EPB41L4A: variants seen among roughly 807,000 people sequenced by gnomAD.
EPB41L4A encodes erythrocyte membrane protein band 4.1 like 4A.
Under a neutral mutation model 108.6 loss-of-function variants are expected in EPB41L4A, and 100 were observed. The observed-to-expected ratio is 0.92, with a 90% CI of 0.78 to 1.09. The LOEUF (loss-of-function observed/expected upper bound fraction) is 1.09, where lower values mean the gene tolerates loss of function less well. Among genes scored for constraint, EPB41L4A ranks in the 50% least tolerant of loss-of-function variants. EPB41L4A has a pLI of 0.00. For synonymous variants in EPB41L4A, 319 were observed against 289.0 expected (o/e 1.10, Z -1.05); for missense variants, 1,030 against 842.7 (o/e 1.22, Z -2.75).
intron 7 of EPB41L4A, among the ~76,000 whole-genome samples, chr5:112,261,611 A>G (rs1391949499): frequency 7.0e-6 from 1 of 142,158 alleles, no homozygotes; most frequent in Non-Finnish European, 1.6e-5. Context: ...GATCCAGAAC[A>G]CTCAGTGCAG....
intron 17 of EPB41L4A, among the ~76,000 whole-genome samples, chr5:112,189,817 A>G (rs1352955092): frequency 6.6e-6 from 1 of 152,194 alleles, no homozygotes; most frequent in Admixed American, 6.5e-5. Context: ...TGCTCAAAGG[A>G]CTGCTGATTT....
intron 2 of EPB41L4A, among the ~76,000 whole-genome samples, chr5:112,300,700 G>T (rs1435018355): frequency 6.6e-6 from 1 of 152,076 alleles, no homozygotes; most frequent in Non-Finnish European, 1.5e-5. Context: ...CTTTAGCAAG[G>T]CTGGGGAAGC....
At chr5:112,143,346 T>C (rs1373194448) in exon 14 of EPB41L4A, 1 of 152,308 alleles carries the variant, frequency 6.6e-6, no homozygotes, top group Non-Finnish European at 1.5e-5. Context: ...GTGCCTAACA[T>C]ATAGTAGATT....
At chr5:112,173,226 A>G (rs1760682531) in intron 18 of EPB41L4A, among the ~76,000 whole-genome samples, 1 of 152,210 alleles carries the variant, frequency 6.6e-6, no homozygotes, top group South Asian at 2.1e-4. Flanking sequence ...CCGAGGGTGC[A>G]GTTGATGACA....
chr5:112,145,304 A>T (rs1759209281), intron 13 of EPB41L4A, among the ~76,000 whole-genome samples: 2 of 152,178 alleles, frequency 1.3e-5, no homozygotes, highest in African/African-American at 4.8e-5. Context: ...GGTTCATCTT[A>T]ATTTGATAAC....
In EPB41L4A at chr5:112,169,059, T is replaced by C. The variant is rs748384550; in HGVS notation, c.1786A>G (p.Ser596Gly). The C allele has an allele frequency of 6.2e-7, 1 of 1,614,176 alleles. No individual in the cohort carries two copies. Among genetic ancestry groups the C allele is most frequent in the South Asian group, 1.1e-5 (1 of 91,088 alleles). ...IRIRHSHSPR[S>G]YRQYRRSQCS... ...TGGGACCTGCGATACTGGCGGTAAC[T>C]TCGTGGCGAATGAGAATGCCTGATG... is the stretch of plus-strand genomic sequence containing the variant. Residue 596 changes from serine to glycine, a missense_variant, in exon 21 of 23, where the codon AGT becomes GGT. Transcript: ENST00000261486.
At chr5:112,354,999 G>A (rs1386428420) in intron 1 of EPB41L4A, among the ~76,000 whole-genome samples, 3 of 152,020 alleles carry the variant, frequency 2.0e-5, no homozygotes, top group South Asian at 4.2e-4. Flanking sequence ...AAAGGAGGAA[G>A]GGGGAAAAAA....
chr5:112,214,622 C>T (rs1053747775), intron 12 of EPB41L4A, among the ~76,000 whole-genome samples: 24 of 152,072 alleles, frequency 1.6e-4, no homozygotes, highest in Admixed American at 3.3e-4. Context: ...AAAATTTAGC[C>T]AGGTGTGGTG....
intron 17 of EPB41L4A, among the ~76,000 whole-genome samples, chr5:112,190,053 GA>G (rs1761618980): frequency 6.6e-6 from 1 of 152,068 alleles, no homozygotes; most frequent in African/African-American, 2.4e-5. Flanking sequence ...TGATCTCAGG[GA>G]CGAGATTCAA....
rs568856400 is a variant in EPB41L4A at position 112,202,477 on chromosome 5, T to C, written c.1376+1898A>G. 1.1e-4 allele frequency among the ~76,000 whole-genome samples: 16 copies of C among 152,330 alleles called. No individual in the cohort carries two copies. In the East Asian group the frequency reaches 2.1e-3, roughly 20 times the overall value. ...ATCCCCCTCTGCTAGAATCACATCA[T>C]GCCTGAATACAAATGCCATTTCCCA... On this transcript the variant is annotated intron_variant, in intron 15 of 22. Coordinates refer to ENST00000261486, the MANE Select transcript of EPB41L4A (RefSeq NM_022140.5).
chr5:112,355,978 T>C (rs1323306456), intron 1 of EPB41L4A, among the ~76,000 whole-genome samples: 1 of 152,190 alleles, frequency 6.6e-6, no homozygotes. Flanking sequence ...ACCCCTCTTA[T>C]GGTTATTTTG....
At chr5:112,249,906 G>A (rs1432608672) in intron 9 of EPB41L4A, among the ~76,000 whole-genome samples, 3 of 152,124 alleles carry the variant, frequency 2.0e-5, no homozygotes, top group Non-Finnish European at 2.9e-5. Context: ...GTTGTGGGTT[G>A]TTCTAATTTA....
chr5:112,376,335 T>C (rs1759818476), intron 1 of EPB41L4A, among the ~76,000 whole-genome samples: 1 of 152,194 alleles, frequency 6.6e-6, no homozygotes, highest in Admixed American at 6.5e-5. Context: ...AATATCACTA[T>C]ATATCTAACA....
chr5:112,400,320 C>T (rs1184944524), intron 1 of EPB41L4A, among the ~76,000 whole-genome samples: 2 of 151,352 alleles, frequency 1.3e-5, no homozygotes, highest in African/African-American at 2.5e-5. Flanking sequence ...TCCCAAAACA[C>T]GTGGGGATTA....
intron 1 of EPB41L4A, among the ~76,000 whole-genome samples, chr5:112,352,192 TC>T (rs1269618932): frequency 6.6e-6 from 1 of 152,242 alleles, no homozygotes; most frequent in Non-Finnish European, 1.5e-5. Context: ...TTCTTGCTTT[TC>T]TAGTTCCTTG....
chr5:112,227,738 G>C (rs571929676), intron 12 of EPB41L4A, among the ~76,000 whole-genome samples: 1 of 152,338 alleles, frequency 6.6e-6, no homozygotes, highest in Admixed American at 6.5e-5. Context: ...GCCAATCAGA[G>C]GAAGTGTTCA....
At chr5:112,402,052 C>T (rs117259384) in intron 1 of EPB41L4A, among the ~76,000 whole-genome samples, 7 of 152,292 alleles carry the variant, frequency 4.6e-5, no homozygotes, top group Admixed American at 2.0e-4. Context: ...TTTGGATTTG[C>T]GTCCCCGCCC....
At chr5:112,190,263 C>T (rs1321791953) in intron 17 of EPB41L4A, among the ~76,000 whole-genome samples, 1 of 152,078 alleles carries the variant, frequency 6.6e-6, no homozygotes. Flanking sequence ...TTCCCAGTAA[C>T]AATGTAATCC....
At position 112,223,332 on chromosome 5, in the gene EPB41L4A, T is replaced by C. The variant is rs143287972; in HGVS notation, c.1087+11302A>G. ...CTGAGAACCCCCAAAATCTTTAACA[T>C]TGATATTAATAAGTAATGAGTAACT... On this transcript the variant is annotated intron_variant, in intron 12 of 22. Transcript: ENST00000261486. Among the ~76,000 whole-genome samples the C allele has an allele frequency of 6.6e-5, 10 of 152,214 alleles. No individual in the cohort carries two copies. In the South Asian group the frequency reaches 1.7e-3, roughly 25 times the overall value.
Sources: allele counts gnomAD v4.1 joint callset (sites outside exome capture counted in the v4.1 genomes callset), GRCh38; gene constraint gnomAD v4.1.1; transcripts MANE v1.5; gene names NCBI Gene and HGNC (gene_info 2026-07-23, HGNC 2026-07-21).